DAPK2: variants seen among roughly 807,000 people sequenced by gnomAD.
The protein encoded by DAPK2 is death associated protein kinase 2, also known as death-associated protein kinase 2.
In DAPK2, 35 loss-of-function variants were observed where a neutral mutation model predicts 44.1. The observed-to-expected ratio is 0.79, with a 90% CI of 0.61 to 1.05. The LOEUF is 1.05. Ranked by LOEUF, DAPK2 falls within the 50% of genes least tolerant of loss-of-function variation. DAPK2 has a pLI of 0.00. For synonymous variants in DAPK2, 174 were observed against 182.6 expected, an observed-to-expected ratio of 0.95 and a Z score of 0.38; for missense variants, 453 against 483.2, an observed-to-expected ratio of 0.94 and a Z score of 0.59.
At chr15:64,040,897 G>GAAAA (rs3056980), upstream of DAPK2, among the ~76,000 whole-genome samples, 49 of 83,440 alleles carry the variant, frequency 5.9e-4, 1 homozygote, top group South Asian at 4.2e-3. Flanking sequence ...CTGGGCAACA[G>GAAAA]AAAAAAAAAA....
chr15:63,962,008 G>A (rs914992591), intron 3 of DAPK2, among the ~76,000 whole-genome samples: 18 of 152,058 alleles, frequency 1.2e-4, no homozygotes, highest in Admixed American at 2.0e-4. Flanking sequence ...GTCTTTTCAC[G>A]TAGTCCATAT....
chr15:63,918,411 G>C (rs984451119), intron 8 of DAPK2: 4 of 152,290 alleles, frequency 2.6e-5, no homozygotes, highest in African/African-American at 9.6e-5. Flanking sequence ...CCTCACAGCA[G>C]GGACAGGCAG....
Position 63,985,190 on chromosome 15 carries a change from C to T in DAPK2, c.93-1436G>A, listed in dbSNP as rs191917211. Among the ~76,000 whole-genome samples, 11 of 133,454 alleles carry T rather than the reference C, an allele frequency of 8.2e-5. No homozygotes were observed. The East Asian group carries it at 5.5e-3, about 67-fold the overall frequency. 87.6% of individuals were successfully genotyped at this position (133,454 alleles called of 152,430 possible). A position where few individuals can be genotyped will look rare whatever the true frequency, so the allele number is the denominator to read the frequency against. On this transcript the variant is annotated intron_variant, in intron 1 of 10. Transcript: ENST00000261891. The stretch of plus-strand genomic sequence containing the variant: ...GAAAGAGAAGATCCTGGGGGCTGGA[C>T]TGGGCAGAGAAGGCTTTGTGGAGCC...
At chr15:63,927,875 G>T (rs1205724427) in intron 6 of DAPK2, among the ~76,000 whole-genome samples, 1 of 152,040 alleles carries the variant, frequency 6.6e-6, no homozygotes, top group Non-Finnish European at 1.5e-5. Flanking sequence ...CTCCCAAGTA[G>T]CTGGGACTAC....
chr15:63,961,382 A>G (rs1009712759), intron 3 of DAPK2, among the ~76,000 whole-genome samples: 1 of 152,192 alleles, frequency 6.6e-6, no homozygotes, highest in Admixed American at 6.5e-5. Context: ...TGATCCTGTC[A>G]TTATGATGTT....
chr15:63,927,003 G>A (rs2079303998), intron 6 of DAPK2, among the ~76,000 whole-genome samples: 1 of 152,132 alleles, frequency 6.6e-6, no homozygotes, highest in African/African-American at 2.4e-5. Flanking sequence ...ACAAATTTTG[G>A]TGTTGCAATC....
rs549710471 is a variant in DAPK2, at chr15:64,027,672, C to T, written c.92+12498G>A. 7.0e-4 allele frequency among the ~76,000 whole-genome samples: 106 copies of T among 152,324 alleles called. 1 individual carries two copies. Among genetic ancestry groups the T allele is most frequent in the African/African-American group, 2.2e-3 (92 of 41,588 alleles). ...GGGAAAGTACAGAAAACTTGAACTA[C>T]TTTAAATTTCCCCACAGTGAAAATG... On this transcript the variant is annotated intron_variant, in intron 1 of 10. Coordinates refer to ENST00000261891, the Ensembl canonical transcript of DAPK2.
intron 1 of DAPK2, among the ~76,000 whole-genome samples, chr15:64,009,630 G>A (rs10163006): frequency 0.34 from 52,188 of 151,836 alleles, 11,318 homozygotes; most frequent in Non-Finnish European, 0.49. Context: ...TCAAGTTCCA[G>A]CTCCTCCTGG....
At chr15:63,950,700 T>G (rs1249437684) in intron 3 of DAPK2, among the ~76,000 whole-genome samples, 1 of 152,228 alleles carries the variant, frequency 6.6e-6, no homozygotes, top group Non-Finnish European at 1.5e-5. Flanking sequence ...CAGCTTTGTT[T>G]AGTGTTTCCT....
At chr15:64,000,487 A>G (rs1467564852) in intron 1 of DAPK2, among the ~76,000 whole-genome samples, 1 of 152,192 alleles carries the variant, frequency 6.6e-6, no homozygotes, top group Non-Finnish European at 1.5e-5. Context: ...GGAGAGAACT[A>G]GGGAGGAACC....
intron 4 of DAPK2, chr15:63,935,468 T>C (rs2140421272): frequency 6.6e-6 from 1 of 152,352 alleles, no homozygotes; most frequent in South Asian, 2.1e-4. Flanking sequence ...TTGAAGATAA[T>C]ATTCCACTGG....
chr15:63,936,795 T>G (rs2077165878), intron 4 of DAPK2, among the ~76,000 whole-genome samples: 1 of 151,474 alleles, frequency 6.6e-6, no homozygotes, highest in Non-Finnish European at 1.5e-5. Context: ...GCCTGGGCAA[T>G]ATAGTGAGAC....
intron 1 of DAPK2, among the ~76,000 whole-genome samples, chr15:64,025,723 C>A (rs1403103736): frequency 6.6e-6 from 1 of 152,014 alleles, no homozygotes; most frequent in African/African-American, 2.4e-5. Context: ...AGGAGAAAAT[C>A]GAATTTCCAC....
At chr15:63,985,507 G>A (rs564469970) in intron 1 of DAPK2, among the ~76,000 whole-genome samples, 8 of 152,296 alleles carry the variant, frequency 5.3e-5, no homozygotes, top group Admixed American at 1.3e-4. Context: ...TCTCCTCTCC[G>A]ACACCTCAAG....
intron 1 of DAPK2, among the ~76,000 whole-genome samples, chr15:64,025,399 C>T (rs768935462): frequency 7.5e-4 from 114 of 152,196 alleles, no homozygotes; most frequent in Admixed American, 1.6e-3. Flanking sequence ...CCCAGCCACA[C>T]TCCAAAGAGG....
chr15:63,947,026 A>C (rs151246434), intron 3 of DAPK2, among the ~76,000 whole-genome samples: 75 of 151,240 alleles, frequency 5.0e-4, no homozygotes, highest in African/African-American at 1.8e-3. Context: ...CCCATGCCCA[A>C]TACGTGCCTC....
In DAPK2 at chr15:63,914,686, C is replaced by G. The variant is rs150060483; in HGVS notation, c.859-2489G>C. Among the ~76,000 whole-genome samples the G allele has an allele frequency of 6.6e-5, 10 of 152,238 alleles. No individual in the cohort carries two copies. The East Asian group carries it at 1.7e-3, about 26-fold the overall frequency. ...TCCACCCTGATTTTCTACCTCTCTG[C>G]TTCCTGTCCATTTGGCTCCCATCGC... is the stretch of plus-strand genomic sequence containing the variant. On this transcript the variant is annotated intron_variant, in intron 8 of 10. Transcript: ENST00000261891.
chr15:63,939,379 G>GAAA lies in DAPK2; in HGVS notation c.454-21_454-19dup. The GAAA allele has an allele frequency of 4.0e-6, 4 of 990,798 alleles. No homozygotes were observed. Among genetic ancestry groups the GAAA allele is most frequent in the South Asian group, 2.2e-5 (1 of 45,614 alleles). The allele number at this position is 990,798 out of a possible 1,614,324, so 61.4% of individuals were successfully genotyped here. A position where few individuals can be genotyped will look rare whatever the true frequency, so the allele number is the denominator to read the frequency against. On this transcript the variant is annotated intron_variant, in intron 3 of 10. Coordinates refer to ENST00000261891, the Ensembl canonical transcript of DAPK2. This position sits in a 1 kb window ranked among gnomAD's most constrained non-coding sequence, Gnocchi z 4.3. ...TTTTCTGGCTGGACAACAAAAAGTA[G>GAAA]AAAAAAAAAAAAGGAAGGAAGAAAA...
chr15:63,932,421 G>A lies in DAPK2; in HGVS notation c.584-1966C>T, dbSNP rs370058907. Reference sequence around the variant, plus strand: ...TGGAGGTTGCAGTTGAGCTGAAATTGTGCCATCGCACTCCAGCCTGGGCAA... The same window carrying A: ...TGGAGGTTGCAGTTGAGCTGAAATTATGCCATCGCACTCCAGCCTGGGCAA... On this transcript the variant is annotated intron_variant, in intron 4 of 10. Coordinates refer to ENST00000261891, the Ensembl canonical transcript of DAPK2. 116 of 131,540 alleles carry A rather than the reference G, an allele frequency of 8.8e-4. 1 individual carries two copies. The highest frequency in any genetic ancestry group is 3.4e-3 in the African/African-American group (113 of 33,286). The allele number at this position is 131,540 out of a possible 1,614,324, so 8.1% of individuals were successfully genotyped here.
Sources: gnomAD v4.1 joint callset for allele counts (sites outside exome capture counted in the v4.1 genomes callset) on GRCh38, gnomAD v4.1.1 for gene constraint, Gnocchi (gnomAD v3.1) non-coding constraint, MANE v1.5 for transcripts, NCBI Gene and HGNC (gene_info 2026-07-23, HGNC 2026-07-21) for gene names.